FAM193B: variants seen among roughly 807,000 people sequenced by gnomAD.
The protein encoded by FAM193B is family with sequence similarity 193 member B, also known as protein FAM193B.
FAM193B carries 27 observed loss-of-function variants against 70.7 expected under a neutral mutation model. The observed-to-expected ratio is 0.38, with a 90% confidence interval of 0.28 to 0.53. The LOEUF is 0.53. Among genes scored for constraint, FAM193B ranks in the 20% least tolerant of loss-of-function variants. The pLI, the probability that FAM193B is intolerant of heterozygous loss-of-function variation, is 0.81. For missense variants in FAM193B, 1,022 were observed against 1,072.5 expected (o/e 0.95, Z 0.66); for synonymous variants, 448 against 436.0 (o/e 1.03, Z -0.34).
chr5:177,554,146 C>T (rs760902308), intron 1 of FAM193B, 103 bp downstream of exon 1: 3 of 1,443,468 alleles, frequency 2.1e-6, no homozygotes, highest in African/African-American at 1.5e-5. Context: ...GCTGCTACCC[C>T]AGCCGCGGCA....
At position 177,532,301 on chromosome 5, in the gene FAM193B, G is replaced by A. The variant is rs1355435627; in HGVS notation, c.1275+142C>T. On this transcript the variant is annotated intron_variant, in intron 5 of 8. Coordinates refer to ENST00000514747, the MANE Select transcript of FAM193B (RefSeq NM_001190946.3). This position sits in a 1 kb window ranked among gnomAD's most constrained non-coding sequence, Gnocchi z 4.9. ...CACAAATGTGCTGTGAGGATCAAGC[G>A]AGCAGACGCAGGTGCAAGGACTCAC... is the stretch of plus-strand genomic sequence containing the variant. 1.1e-5 allele frequency: 16 copies of A among 1,484,302 alleles called. No individual in the cohort carries two copies. The highest frequency in any genetic ancestry group is 8.5e-5 in the African/African-American group (6 of 70,496). 91.9% of individuals were successfully genotyped at this position (1,484,302 alleles called of 1,614,324 possible).
chr5:177,531,694 G>A (rs1763489352), intron 5 of FAM193B: 8 of 655,920 alleles, frequency 1.2e-5, no homozygotes, highest in Non-Finnish European at 1.8e-5. Context: ...AGGCGGCAGT[G>A]GGTGAAGGGA....
At chr5:177,543,196 G>A (rs1254687058) in intron 1 of FAM193B, among the ~76,000 whole-genome samples, 2 of 152,178 alleles carry the variant, frequency 1.3e-5, no homozygotes, top group Non-Finnish European at 1.5e-5. Context: ...ATCACTAGAA[G>A]TGACTTTACA....
intron 5 of FAM193B, among the ~76,000 whole-genome samples, chr5:177,528,597 T>A (rs335443): frequency 0.41 from 62,817 of 152,090 alleles, 13,548 homozygotes; most frequent in South Asian, 0.48. Context: ...GAAGAAAGTA[T>A]GTTTGCAGGT....
intron 1 of FAM193B, 138 bp from the exon 2 acceptor site, chr5:177,539,285 C>T: frequency 9.6e-7 from 1 of 1,044,468 alleles, no homozygotes; most frequent in East Asian, 2.7e-5. Flanking sequence ...AAAATTTAGT[C>T]CTTGTAACAG....
At chr5:177,527,251 G>A (rs531668134) in intron 5 of FAM193B, among the ~76,000 whole-genome samples, 9 of 152,348 alleles carry the variant, frequency 5.9e-5, no homozygotes, top group African/African-American at 2.2e-4. Flanking sequence ...TGGGGGATGT[G>A]GGGGTTGGGT....
intron 1 of FAM193B, chr5:177,552,155 T>C (rs910239095): frequency 1.3e-6 from 1 of 763,506 alleles, no homozygotes; most frequent in African/African-American, 1.9e-5. Flanking sequence ...TAATGATAAT[T>C]ATATCCTCCA....
intron 4 of FAM193B, among the ~76,000 whole-genome samples, chr5:177,535,953 C>G (rs1764116390): frequency 6.7e-6 from 1 of 149,362 alleles, no homozygotes; most frequent in Non-Finnish European, 1.5e-5. Flanking sequence ...CTCTGTCACC[C>G]AGGCTGGAGT....
chr5:177,549,177 ATTGTC>A (rs1327355309), intron 1 of FAM193B, among the ~76,000 whole-genome samples: 4 of 138,594 alleles, frequency 2.9e-5, no homozygotes, highest in Admixed American at 1.6e-4. Context: ...GTAAGACTGG[ATTGTC>A]TTTTCTTTTT....
At chr5:177,553,416 C>T in intron 1 of FAM193B, 1 of 1,049,590 alleles carries the variant, frequency 9.5e-7, no homozygotes, top group South Asian at 2.7e-5. Flanking sequence ...GGGAGAGCCA[C>T]CCAGCCCCGA....
chr5:177,532,381 G>C lies in FAM193B; in HGVS notation c.1275+62C>G, dbSNP rs899175072. The C allele has an allele frequency of 1.5e-5, 24 of 1,551,176 alleles. No homozygotes were observed. The East Asian group carries it at 5.2e-4, about 34-fold the overall frequency. On this transcript the variant is annotated intron_variant, in intron 5 of 8. Coordinates refer to ENST00000514747, the MANE Select transcript of FAM193B (RefSeq NM_001190946.3). This position sits in a 1 kb window ranked among gnomAD's most constrained non-coding sequence, Gnocchi z 4.9. ...CAACGGGGTCTCTGGGGAGAGCAGG[G>C]TGCTCCTTTTGCTCACCTTGGCTGG...
chr5:177,554,199 G>C lies in FAM193B; in HGVS notation c.210+50C>G, dbSNP rs753620757. 1.9e-5 allele frequency: 28 copies of C among 1,481,668 alleles called. No homozygotes were observed. In the South Asian group the frequency reaches 3.1e-4, roughly 16 times the overall value. The allele number at this position is 1,481,668 out of a possible 1,614,324, so 91.8% of individuals were successfully genotyped here. A position where few individuals can be genotyped will look rare whatever the true frequency, so the allele number is the denominator to read the frequency against. ...CCCCGCCCCACTCCCGCTCCCGCTC[G>C]GGGAAGGTGAAAGCGCCCGAGCCGC... is the stretch of plus-strand genomic sequence containing the variant. On this transcript the variant is annotated intron_variant, in intron 1 of 8. Transcript: ENST00000514747.
At chr5:177,545,322 G>A (rs1765284371) in intron 1 of FAM193B, among the ~76,000 whole-genome samples, 1 of 152,256 alleles carries the variant, frequency 6.6e-6, no homozygotes, top group Admixed American at 6.5e-5. Flanking sequence ...GGCATTACAG[G>A]CATGAGCCAC....
In FAM193B at chr5:177,532,096, C is replaced by G; in HGVS notation, c.1275+347G>C. 1.5e-6 allele frequency: 2 copies of G among 1,308,720 alleles called. No homozygotes were observed. Among genetic ancestry groups the G allele is most frequent in the Non-Finnish European group, 2.0e-6 (2 of 1,002,150 alleles). 81.1% of individuals were successfully genotyped at this position (1,308,720 alleles called of 1,614,324 possible). A position where few individuals can be genotyped will look rare whatever the true frequency, so the allele number is the denominator to read the frequency against. ...TGGGGGACTGAGAGCCTTTTTGCTT[C>G]CACTCTGCCTTCATCACTCCCAAGC... is the stretch of plus-strand genomic sequence containing the variant. On this transcript the variant is annotated intron_variant, in intron 5 of 8. Transcript: ENST00000514747. This position sits in a 1 kb window ranked among gnomAD's most constrained non-coding sequence, Gnocchi z 4.9.
At position 177,538,004 on chromosome 5, in the gene FAM193B, C is replaced by CAGGAAGAGG. The variant is rs1764377712; in HGVS notation, c.548_556dup (p.Ser183_Ser185dup). 4 of 1,557,912 alleles carry CAGGAAGAGG rather than the reference C, an allele frequency of 2.6e-6. No individual in the cohort carries two copies. Among genetic ancestry groups the CAGGAAGAGG allele is most frequent in the Non-Finnish European group, 2.6e-6 (3 of 1,150,536 alleles). ...ATCCCAGTCTCCCGAGTTCCCAGGG[C>CAGGAAGAGG]AGGAAGAGGAGGACGAGGATGAGGA... On this transcript the variant is annotated inframe_insertion, in exon 3 of 9. Transcript: ENST00000514747. This position sits in a 1 kb window ranked among gnomAD's most constrained non-coding sequence, Gnocchi z 4.1.
chr5:177,550,850 G>A lies in FAM193B; in HGVS notation c.210+3399C>T, dbSNP rs144727057. Among the ~76,000 whole-genome samples the A allele has an allele frequency of 3.1e-3, 475 of 152,270 alleles. 2 individuals carry two copies. Among genetic ancestry groups the A allele is most frequent in the South Asian group, 0.018 (89 of 4,822 alleles). On this transcript the variant is annotated intron_variant, in intron 1 of 8. Coordinates refer to ENST00000514747, the MANE Select transcript of FAM193B (RefSeq NM_001190946.3). ...AAGTATTATTATTATTTTAAAAGGAGACGGTGTTTCCCTCTCTCCCCCAGG... is the reference window on the plus strand; with the variant it reads ...AAGTATTATTATTATTTTAAAAGGAAACGGTGTTTCCCTCTCTCCCCCAGG...
intron 1 of FAM193B, chr5:177,553,504 T>C: frequency 4.4e-6 from 5 of 1,125,044 alleles, no homozygotes; most frequent in Non-Finnish European, 5.5e-6. Flanking sequence ...TACCTCCCGT[T>C]ATCTCCTTTG....
chr5:177,547,128 A>G (rs1284046777), intron 1 of FAM193B: 1 of 152,192 alleles, frequency 6.6e-6, no homozygotes, highest in Non-Finnish European at 1.5e-5. Flanking sequence ...CATATTTTAC[A>G]GAGTTGTGAG....
At position 177,538,800 on chromosome 5, in the gene FAM193B, G is replaced by T; in HGVS notation, c.453+105C>A. On this transcript the variant is annotated intron_variant, in intron 2 of 8. Coordinates refer to ENST00000514747, the MANE Select transcript of FAM193B (RefSeq NM_001190946.3). The surrounding 1 kb of genome is among the most constrained non-coding windows in gnomAD (Gnocchi z 4.1). ...CAGCCCAGAAGTCTCTCAGTGCCTG[G>T]GCATGGGAGCTGCCCAAGGAGAGCC... 2 of 1,471,552 alleles carry T rather than the reference G, an allele frequency of 1.4e-6. No homozygotes were observed. The highest frequency in any genetic ancestry group is 1.9e-6 in the Non-Finnish European group (2 of 1,078,196). 91.2% of individuals were successfully genotyped at this position (1,471,552 alleles called of 1,614,324 possible). A position where few individuals can be genotyped will look rare whatever the true frequency, so the allele number is the denominator to read the frequency against.
Sources: gnomAD v4.1 joint callset for allele counts (sites outside exome capture counted in the v4.1 genomes callset) on GRCh38, gnomAD v4.1.1 for gene constraint, Gnocchi (gnomAD v3.1) non-coding constraint, MANE v1.5 for transcripts, NCBI Gene and HGNC (gene_info 2026-07-23, HGNC 2026-07-21) for gene names.